ESR1: variants seen among roughly 807,000 people sequenced by gnomAD.
The protein encoded by ESR1 is estrogen receptor 1.
Under a neutral mutation model 52.7 loss-of-function variants are expected in ESR1, and 12 were observed. The ratio of observed to expected loss-of-function variants is 0.23; its 90% confidence interval spans 0.15 to 0.37. The LOEUF (loss-of-function observed/expected upper bound fraction) is 0.37. Ranked by LOEUF, ESR1 falls within the 10% of genes least tolerant of loss-of-function variation. The probability of loss-of-function intolerance (pLI) is 1.00; values close to 1 mark genes in which losing one functional copy is unlikely to be tolerated. For synonymous variants in ESR1, 305 were observed against 316.8 expected (o/e 0.96, Z 0.39); for missense variants, 584 against 779.7 (o/e 0.75, Z 2.99).
chr6:151,668,422 G>A (rs913143968), intron 1 of ESR1, among the ~76,000 whole-genome samples: 1 of 152,042 alleles, frequency 6.6e-6, no homozygotes, highest in Non-Finnish European at 1.5e-5. Flanking sequence ...GGGACTACAG[G>A]TGCCCGCCCG....
intron 2 of ESR1, among the ~76,000 whole-genome samples, chr6:151,864,778 A>G (rs1368944189): frequency 2.6e-5 from 4 of 152,082 alleles, no homozygotes; most frequent in East Asian, 3.9e-4. Context: ...ATGAGTTCAT[A>G]TACTTTGTAG....
chr6:152,114,046 T>C (rs2051178504), intron 6 of ESR1, among the ~76,000 whole-genome samples: 1 of 152,106 alleles, frequency 6.6e-6, no homozygotes, highest in African/African-American at 2.4e-5. Context: ...CCCACTGTGA[T>C]TAGCAAACAC....
At chr6:151,978,818 C>T (rs3020405) in intron 4 of ESR1, among the ~76,000 whole-genome samples, 82,588 of 151,960 alleles carry the variant, frequency 0.54, 26,234 homozygotes, top group Middle Eastern at 0.72. Context: ...TAAAAACCAT[C>T]CCTTATAACA....
exon 7 of ESR1, chr6:152,128,058 GCA>G (rs2054141105): frequency 6.6e-6 from 1 of 152,132 alleles, no homozygotes; most frequent in South Asian, 2.1e-4. Flanking sequence ...GGACTACAGT[GCA>G]ATTATTCCTT....
intron 1 of ESR1, among the ~76,000 whole-genome samples, chr6:151,676,457 A>G (rs1200945509): frequency 1.3e-5 from 2 of 152,222 alleles, no homozygotes; most frequent in Admixed American, 1.3e-4. Flanking sequence ...TGGTTCCTGC[A>G]AAGGACTAAG....
intron 1 of ESR1, among the ~76,000 whole-genome samples, chr6:151,814,713 C>T (rs1385881939): frequency 6.6e-6 from 1 of 152,220 alleles, no homozygotes; most frequent in African/African-American, 2.4e-5. Context: ...TTTGTTCATT[C>T]ATTCATTTGG....
chr6:152,098,026 C>T lies in ESR1; in HGVS notation c.1554-706C>T, dbSNP rs1016184529. On this transcript the variant is annotated intron_variant, in intron 7 of 7. Coordinates refer to ENST00000206249, the MANE Select transcript of ESR1 (RefSeq NM_000125.4). The surrounding 1 kb of genome is among the most constrained non-coding windows in gnomAD (Gnocchi z 5.1). ...GTAGCGGTAGGCCTTTCCGAGGAGGCGGCATTTGAAGACCGGAGGAAGGTT... is the reference window on the plus strand; with the variant it reads ...GTAGCGGTAGGCCTTTCCGAGGAGGTGGCATTTGAAGACCGGAGGAAGGTT... Among the ~76,000 whole-genome samples the T allele has an allele frequency of 7.9e-5, 12 of 152,234 alleles. No individual in the cohort carries two copies. Among genetic ancestry groups the T allele is most frequent in the East Asian group, 1.9e-4 (1 of 5,174 alleles).
intron 5 of ESR1, among the ~76,000 whole-genome samples, chr6:152,015,772 A>G (rs908704965): frequency 8.5e-5 from 13 of 152,198 alleles, no homozygotes; most frequent in Admixed American, 7.9e-4. Flanking sequence ...TTCTTAATCT[A>G]TAAGCGCATT....
intron 3 of ESR1, among the ~76,000 whole-genome samples, chr6:151,916,645 T>C (rs9322344): frequency 0.064 from 9,796 of 152,152 alleles, 547 homozygotes; most frequent in East Asian, 0.17. Context: ...TCTTCATAAT[T>C]CTTAATTTTA....
chr6:151,764,131 G>A (rs115529742), intron 2 of ESR1, among the ~76,000 whole-genome samples: 2,462 of 152,232 alleles, frequency 0.016, 74 homozygotes, highest in African/African-American at 0.057. Context: ...GGCCTGGTTT[G>A]CTCGGGACCG....
intron 2 of ESR1, among the ~76,000 whole-genome samples, chr6:151,865,613 A>C (rs1466345089): frequency 6.6e-6 from 1 of 152,186 alleles, no homozygotes; most frequent in Non-Finnish European, 1.5e-5. Context: ...GGACATCAAG[A>C]AGCCAGACGA....
chr6:151,806,510 A>G (rs570615533), upstream of ESR1, among the ~76,000 whole-genome samples: 2 of 133,890 alleles, frequency 1.5e-5, no homozygotes, highest in South Asian at 4.8e-4. Context: ...TACTTCACCT[A>G]TTTTTTGTCT....
intron 1 of ESR1, among the ~76,000 whole-genome samples, chr6:151,821,719 G>T (rs1179915005): frequency 6.6e-6 from 1 of 152,088 alleles, no homozygotes; most frequent in Admixed American, 6.5e-5. Context: ...AAAATAATTT[G>T]ATCTGTGCTT....
intron 5 of ESR1, among the ~76,000 whole-genome samples, chr6:152,044,347 G>A (rs3020361): frequency 1.3e-5 from 2 of 151,934 alleles, no homozygotes; most frequent in Non-Finnish European, 2.9e-5. Context: ...AAATCCATCC[G>A]TAAAATTCTG....
At chr6:151,767,321 T>C (rs1323818574) in intron 2 of ESR1, among the ~76,000 whole-genome samples, 3 of 152,220 alleles carry the variant, frequency 2.0e-5, no homozygotes, top group Non-Finnish European at 1.5e-5. Context: ...AAAGTTTATT[T>C]TTCTCTCATG....
chr6:151,694,442 T>C (rs1779175773), intron 1 of ESR1, among the ~76,000 whole-genome samples: 1 of 152,134 alleles, frequency 6.6e-6, no homozygotes, highest in African/African-American at 2.4e-5. Context: ...TTCATGAGGA[T>C]TAAATAAAGT....
At chr6:151,855,360 A>G (rs1209593753) in intron 2 of ESR1, among the ~76,000 whole-genome samples, 1 of 151,994 alleles carries the variant, frequency 6.6e-6, no homozygotes, top group African/African-American at 2.4e-5. Context: ...TACTCTTCCT[A>G]TTCTACAAGT....
intron 2 of ESR1, among the ~76,000 whole-genome samples, chr6:151,880,129 C>G (rs115821009): frequency 0.014 from 2,131 of 151,086 alleles, 53 homozygotes; most frequent in African/African-American, 0.048. Flanking sequence ...CAAAGGACTC[C>G]TGAAGCAATT....
chr6:151,669,556 C>T (rs1158847571), intron 1 of ESR1, among the ~76,000 whole-genome samples: 1 of 152,100 alleles, frequency 6.6e-6, no homozygotes, highest in African/African-American at 2.4e-5. Context: ...GACTCAGGTG[C>T]TGGAGTGTTT....
Sources: gnomAD v4.1 joint callset for allele counts (sites outside exome capture counted in the v4.1 genomes callset) on GRCh38, gnomAD v4.1.1 for gene constraint, Gnocchi (gnomAD v3.1) non-coding constraint, MANE v1.5 for transcripts, NCBI Gene and HGNC (gene_info 2026-07-23, HGNC 2026-07-21) for gene names.